The following NKAIN2 variants were observed in gnomAD, a reference collection of about 807,000 sequenced individuals.
The protein encoded by NKAIN2 is sodium/potassium-transporting ATPase subunit beta-1-interacting protein 2.
In NKAIN2, 14 loss-of-function variants were observed where a neutral mutation model predicts 32.6. The observed-to-expected ratio is 0.43, with a 90% CI of 0.28 to 0.67. The LOEUF (loss-of-function observed/expected upper bound fraction) is 0.67. NKAIN2 is among the 30% of genes least tolerant of loss of function. The probability of loss-of-function intolerance (pLI) is 0.17; values close to 1 mark genes in which losing one functional copy is unlikely to be tolerated. For synonymous variants in NKAIN2, 80 were observed against 87.2 expected, an observed-to-expected ratio of 0.92 and a Z score of 0.46; for missense variants, 198 against 258.3, an observed-to-expected ratio of 0.77 and a Z score of 1.60.
intron 1 of NKAIN2, among the ~76,000 whole-genome samples, chr6:123,912,782 T>C (rs895907607): frequency 6.6e-6 from 1 of 152,138 alleles, no homozygotes; most frequent in African/African-American, 2.4e-5. Context: ...GCCAAATAAA[T>C]CCCTTTTTTA....
chr6:124,416,183 A>C (rs1774479015), intron 3 of NKAIN2, among the ~76,000 whole-genome samples: 1 of 152,218 alleles, frequency 6.6e-6, no homozygotes, highest in Non-Finnish European at 1.5e-5. Context: ...AAAGAATTGC[A>C]TGGCCAGCAT....
chr6:123,834,371 TC>T (rs1281886033), intron 1 of NKAIN2, among the ~76,000 whole-genome samples: 2 of 151,656 alleles, frequency 1.3e-5, no homozygotes, highest in Non-Finnish European at 2.9e-5. Flanking sequence ...GCCAGGCTGG[TC>T]TTGAACTCCT....
intron 1 of NKAIN2, among the ~76,000 whole-genome samples, chr6:123,963,999 G>T (rs1777967977): frequency 6.6e-6 from 1 of 152,032 alleles, no homozygotes; most frequent in African/African-American, 2.4e-5. Flanking sequence ...GCCAAACATT[G>T]TTCTATCTTT....
At chr6:124,416,033 C>G (rs1371644528) in intron 3 of NKAIN2, among the ~76,000 whole-genome samples, 1 of 151,846 alleles carries the variant, frequency 6.6e-6, no homozygotes, top group Admixed American at 6.6e-5. Flanking sequence ...GTTTATTGCA[C>G]AGCGTTTCTC....
intron 1 of NKAIN2, among the ~76,000 whole-genome samples, chr6:124,003,250 A>G (rs956306225): frequency 1.3e-5 from 2 of 152,224 alleles, no homozygotes; most frequent in South Asian, 4.1e-4. Context: ...CTTACACATT[A>G]GTGACATTGT....
intron 3 of NKAIN2, among the ~76,000 whole-genome samples, chr6:124,400,450 T>C (rs986687264): frequency 3.3e-5 from 5 of 152,078 alleles, no homozygotes; most frequent in African/African-American, 1.2e-4. Flanking sequence ...TCTATCTATA[T>C]ATTTTTTTAA....
At chr6:124,699,991 T>C (rs1348938250) in intron 4 of NKAIN2, among the ~76,000 whole-genome samples, 2 of 152,140 alleles carry the variant, frequency 1.3e-5, no homozygotes, top group Non-Finnish European at 2.9e-5. Flanking sequence ...TTTCCTTTTC[T>C]TTTTCTTTCT....
intron 1 of NKAIN2, among the ~76,000 whole-genome samples, chr6:124,128,735 A>G (rs2115001662): frequency 6.6e-6 from 1 of 152,324 alleles, no homozygotes; most frequent in Non-Finnish European, 1.5e-5. Context: ...TGACATTCAT[A>G]CATTTATTCC....
At chr6:124,531,205 A>G (rs1779512988) in intron 3 of NKAIN2, among the ~76,000 whole-genome samples, 1 of 152,190 alleles carries the variant, frequency 6.6e-6, no homozygotes, top group South Asian at 2.1e-4. Flanking sequence ...ACTGTGAGAA[A>G]TAAATGTTTG....
intron 1 of NKAIN2, among the ~76,000 whole-genome samples, chr6:123,942,624 C>T (rs1447455306): frequency 6.6e-6 from 1 of 151,924 alleles, no homozygotes; most frequent in Non-Finnish European, 1.5e-5. Context: ...AGGTGGAATG[C>T]GAGCAGTACT....
chr6:124,708,312 C>T (rs1401815948), intron 4 of NKAIN2, among the ~76,000 whole-genome samples: 4 of 151,638 alleles, frequency 2.6e-5, no homozygotes, highest in African/African-American at 9.7e-5. Flanking sequence ...TTAGGATTGC[C>T]TTGGTGAAGC....
chr6:124,247,135 A>G (rs917451159), intron 1 of NKAIN2, among the ~76,000 whole-genome samples: 11 of 152,028 alleles, frequency 7.2e-5, no homozygotes, highest in African/African-American at 1.2e-4. Flanking sequence ...GCCTCATGTG[A>G]TTAGATTGTG....
At chr6:124,637,787 C>T (rs1783829280) in intron 3 of NKAIN2, among the ~76,000 whole-genome samples, 1 of 152,080 alleles carries the variant, frequency 6.6e-6, no homozygotes, top group Non-Finnish European at 1.5e-5. Flanking sequence ...AAAAGACATT[C>T]CATACTCATG....
intron 3 of NKAIN2, among the ~76,000 whole-genome samples, chr6:124,436,158 G>T (rs536802998): frequency 9.2e-5 from 14 of 152,212 alleles, no homozygotes; most frequent in African/African-American, 3.1e-4. Context: ...GTACACTGAT[G>T]GAAATGATAT....
intron 3 of NKAIN2, among the ~76,000 whole-genome samples, chr6:124,648,317 A>T (rs910321642): frequency 6.6e-6 from 1 of 152,184 alleles, no homozygotes; most frequent in Non-Finnish European, 1.5e-5. Flanking sequence ...TCACAATTAC[A>T]TTTCAAAGGG....
At chr6:123,958,043 T>G (rs1345202692) in intron 1 of NKAIN2, among the ~76,000 whole-genome samples, 1 of 152,270 alleles carries the variant, frequency 6.6e-6, no homozygotes, top group African/African-American at 2.4e-5. Flanking sequence ...GAAGGCATAT[T>G]TGCTGCTAGT....
intron 3 of NKAIN2, among the ~76,000 whole-genome samples, chr6:124,427,624 A>G (rs1469558263): frequency 6.6e-6 from 1 of 152,196 alleles, no homozygotes; most frequent in East Asian, 1.9e-4. Flanking sequence ...AAAGAATAGT[A>G]TCAACTACAT....
intron 1 of NKAIN2, 27 bp downstream of exon 1, chr6:123,804,281 C>T: frequency 1.3e-6 from 2 of 1,593,666 alleles, no homozygotes; most frequent in South Asian, 1.1e-5. Flanking sequence ...TCCCCTTATT[C>T]TGTAATGTGT....
chr6:124,185,677 A>G (rs1363302625), intron 1 of NKAIN2, among the ~76,000 whole-genome samples: 2 of 152,170 alleles, frequency 1.3e-5, no homozygotes, highest in African/African-American at 2.4e-5. Context: ...GTGTACAAAT[A>G]TACTTTTTAT....
Sources: gnomAD v4.1 joint callset for allele counts (sites outside exome capture counted in the v4.1 genomes callset) on GRCh38, gnomAD v4.1.1 for gene constraint, MANE v1.5 for transcripts, NCBI Gene and HGNC (gene_info 2026-07-23, HGNC 2026-07-21) for gene names.